Variants in RAPGEF5 observed in about 807,000 individuals in gnomAD.
RAPGEF5 encodes M-Ras-regulated GEF.
RAPGEF5 carries 65 observed loss-of-function variants against 125.2 expected under a neutral mutation model. That is an observed-to-expected ratio of 0.52 (90% CI 0.43 to 0.64). RAPGEF5 has a LOEUF of 0.64. RAPGEF5 is among the 30% of genes least tolerant of loss of function. The pLI is 0.00. For missense variants in RAPGEF5, 958 were observed against 1,048.1 expected (o/e 0.91, Z 1.19); for synonymous variants, 391 against 385.9 (o/e 1.01, Z -0.16).
At chr7:22,135,949 A>G in intron 23 of RAPGEF5, 89 bp downstream of exon 23, 1 of 1,003,832 alleles carries the variant, frequency 1.0e-6, no homozygotes, top group South Asian at 1.7e-5. Context: ...AAAGAGACAA[A>G]ATGAGAGTCC....
chr7:22,313,999 C>T (rs1783534144), intron 3 of RAPGEF5, among the ~76,000 whole-genome samples: 1 of 152,158 alleles, frequency 6.6e-6, no homozygotes, highest in Non-Finnish European at 1.5e-5. Flanking sequence ...TTAAAGAGCT[C>T]CGTGAGTCCA....
intron 6 of RAPGEF5, among the ~76,000 whole-genome samples, chr7:22,290,269 T>G (rs2128147225): frequency 6.6e-6 from 1 of 152,282 alleles, no homozygotes; most frequent in Middle Eastern, 3.4e-3. Context: ...TAAATAATTT[T>G]TGGGGAAGGC....
At chr7:22,149,711 C>T (rs561010013) in intron 18 of RAPGEF5, among the ~76,000 whole-genome samples, 2 of 152,160 alleles carry the variant, frequency 1.3e-5, no homozygotes, top group Non-Finnish European at 2.9e-5. Flanking sequence ...GGGAATGGAA[C>T]GAAGTGTACC....
intron 20 of RAPGEF5, 145 bp from the exon 21 acceptor site, chr7:22,140,260 G>T: frequency 1.5e-6 from 1 of 673,850 alleles, no homozygotes; most frequent in Non-Finnish European, 2.5e-6. Context: ...CTGCCCTTCA[G>T]CTGTCTCTAA....
Position 22,145,058 on chromosome 7 carries a change from G to A in RAPGEF5, c.2172C>T (p.Ile724=), listed in dbSNP as rs142629973. Residue 724 remains isoleucine, a synonymous_variant, in exon 20 of 26, where the codon ATC becomes ATT. Transcript: ENST00000665637. ...TAGAAACTTACTGAGCCGCAATTTT[G>A]ATGAATTTTTTCACCAGCTGCACTC... ...GKRVQLVKKF[I]KIAAHCKAQR... 275 of 1,613,156 alleles carry A rather than the reference G, an allele frequency of 1.7e-4. No homozygotes were observed. The African/African-American group carries it at 3.1e-3, about 18-fold the overall frequency.
chr7:22,229,574 C>G (rs1055442480), intron 8 of RAPGEF5, among the ~76,000 whole-genome samples: 2 of 152,190 alleles, frequency 1.3e-5, no homozygotes, highest in Non-Finnish European at 2.9e-5. Context: ...AATGAGCATA[C>G]ATTTTTATTT....
chr7:22,252,790 A>G (rs928339822), intron 7 of RAPGEF5, among the ~76,000 whole-genome samples: 23 of 152,228 alleles, frequency 1.5e-4, no homozygotes, highest in African/African-American at 5.3e-4. Context: ...AGAGTTAGAA[A>G]AAATTTACAA....
intron 6 of RAPGEF5, among the ~76,000 whole-genome samples, chr7:22,284,267 C>T (rs1420709326): frequency 2.6e-5 from 4 of 152,130 alleles, no homozygotes; most frequent in Admixed American, 6.5e-5. Context: ...TGAGATCCTA[C>T]CAAAGGATAC....
intron 5 of RAPGEF5, among the ~76,000 whole-genome samples, chr7:22,298,365 G>C (rs1783115252): frequency 6.6e-6 from 1 of 151,962 alleles, no homozygotes; most frequent in Admixed American, 6.6e-5. Context: ...TTTTAGTAGA[G>C]ATGGGGTTTC....
At chr7:22,122,570 T>C (rs772260304) in intron 25 of RAPGEF5, 49 bp from the exon 26 acceptor site, 9 of 1,366,520 alleles carry the variant, frequency 6.6e-6, no homozygotes, top group South Asian at 5.9e-5. Flanking sequence ...GCAGTAATGC[T>C]GTATCTACAT....
intron 7 of RAPGEF5, among the ~76,000 whole-genome samples, chr7:22,249,252 T>G (rs1205688335): frequency 6.6e-6 from 1 of 152,180 alleles, no homozygotes; most frequent in Non-Finnish European, 1.5e-5. Context: ...AGTGCAGTGG[T>G]GCGATCTTGG....
intron 3 of RAPGEF5, among the ~76,000 whole-genome samples, chr7:22,312,880 C>T (rs1000815585): frequency 1.3e-5 from 2 of 152,156 alleles, no homozygotes; most frequent in Admixed American, 6.5e-5. Flanking sequence ...AATGCCTTGT[C>T]CCCATGTCTG....
chr7:22,125,483 G>A (rs1053132336), intron 25 of RAPGEF5, 121 bp downstream of exon 25: 106 of 863,520 alleles, frequency 1.2e-4, no homozygotes, highest in Admixed American at 1.7e-4. Context: ...TACAATATGC[G>A]TATGTATATA....
intron 9 of RAPGEF5, among the ~76,000 whole-genome samples, chr7:22,214,744 TC>T (rs1310289056): frequency 7.4e-6 from 1 of 134,724 alleles, no homozygotes; most frequent in East Asian, 2.4e-4. Context: ...AGAGCTGCCC[TC>T]TGAGTGCATG....
At chr7:22,225,845 G>A (rs1441082964) in intron 8 of RAPGEF5, among the ~76,000 whole-genome samples, 2 of 152,184 alleles carry the variant, frequency 1.3e-5, no homozygotes, top group Non-Finnish European at 2.9e-5. Context: ...TTGAAAAAAA[G>A]TCTCCATAAT....
At chr7:22,309,944 T>C in intron 4 of RAPGEF5, 25 bp downstream of exon 4, 4 of 1,546,630 alleles carry the variant, frequency 2.6e-6, no homozygotes, top group Non-Finnish European at 3.5e-6. Context: ...ATAATGATGC[T>C]GTGCCTTCAA....
chr7:22,244,219 T>TAC (rs1006614411), intron 7 of RAPGEF5, among the ~76,000 whole-genome samples: 3 of 152,090 alleles, frequency 2.0e-5, no homozygotes, highest in Non-Finnish European at 2.9e-5. Context: ...CATATATATA[T>TAC]ACACACACCA....
intron 7 of RAPGEF5, among the ~76,000 whole-genome samples, chr7:22,256,308 T>C (rs1451994735): frequency 6.6e-6 from 1 of 152,228 alleles, no homozygotes; most frequent in Non-Finnish European, 1.5e-5. Flanking sequence ...TTAGTTTTTC[T>C]GTCACATGCA....
At chr7:22,151,443 C>A (rs1783622761) in intron 17 of RAPGEF5, among the ~76,000 whole-genome samples, 1 of 148,254 alleles carries the variant, frequency 6.7e-6, no homozygotes, top group African/African-American at 2.5e-5. Context: ...GCACACTGAC[C>A]AACACTGATC....
Sources: gnomAD v4.1 joint callset for allele counts (sites outside exome capture counted in the v4.1 genomes callset) on GRCh38, gnomAD v4.1.1 for gene constraint, MANE v1.5 for transcripts, NCBI Gene and HGNC (gene_info 2026-07-23, HGNC 2026-07-21) for gene names.